The following FGD3 variants were observed in gnomAD, a reference collection of about 807,000 sequenced individuals.
FGD3 encodes FYVE, RhoGEF and PH domain containing 3.
Under a neutral mutation model 71.8 loss-of-function variants are expected in FGD3, and 45 were observed. That is an observed-to-expected ratio of 0.63 (90% CI 0.49 to 0.80). The LOEUF (loss-of-function observed/expected upper bound fraction) is 0.80. Ranked by LOEUF, FGD3 falls within the 30% of genes least tolerant of loss-of-function variation. The probability of loss-of-function intolerance (pLI) is 0.00; values close to 1 mark genes in which losing one functional copy is unlikely to be tolerated. For missense variants in FGD3, 844 were observed against 951.5 expected (o/e 0.89, Z 1.49); for synonymous variants, 378 against 392.8 (o/e 0.96, Z 0.44).
chr9:93,034,491 G>T (rs750033475), intron 16 of FGD3, 50 bp from the exon 17 acceptor site: 10 of 1,555,086 alleles, frequency 6.4e-6, no homozygotes, highest in Non-Finnish European at 8.7e-6. Context: ...CAGAACAGGG[G>T]TGACCACTGC....
rs754060606 is a variant in FGD3 at position 93,015,823 on chromosome 9, C to T, written c.1269C>T (p.Gly423=). 2 of 1,614,080 alleles carry T rather than the reference C, an allele frequency of 1.2e-6. No individual in the cohort carries two copies. The highest frequency in any genetic ancestry group is 2.2e-5 in the South Asian group (2 of 91,088). The part of the protein sequence containing the change: ...FSVREKMDIS[G]LQVQDIVKPN... ...TCCGGGAGAAGATGGACATCTCAGG[C>T]CTCCAGGTGGGTGAGCTCCTCCATC... The change falls in exon 10 of 18, where the codon GGC becomes GGT. Residue 423 remains glycine (G), a synonymous_variant. Transcript: ENST00000375482.
chr9:92,984,068 G>A (rs1326197776), intron 3 of FGD3, among the ~76,000 whole-genome samples: 1 of 152,222 alleles, frequency 6.6e-6, no homozygotes, highest in African/African-American at 2.4e-5. Flanking sequence ...CAGAAATGCA[G>A]ATAAGATTTG....
chr9:92,993,047 G>A (rs1860481312), intron 3 of FGD3, among the ~76,000 whole-genome samples: 1 of 152,166 alleles, frequency 6.6e-6, no homozygotes, highest in Non-Finnish European at 1.5e-5. Context: ...TCCACCGCCA[G>A]CCAAATCTTA....
chr9:93,006,283 A>T, intron 6 of FGD3, 103 bp downstream of exon 6: 5 of 1,203,328 alleles, frequency 4.2e-6, no homozygotes, highest in Non-Finnish European at 5.3e-6. Context: ...TTTTACTCCA[A>T]AAAGTAACAT....
At chr9:92,952,595 C>A (rs1858975413) in intron 1 of FGD3, among the ~76,000 whole-genome samples, 1 of 152,036 alleles carries the variant, frequency 6.6e-6, no homozygotes, top group Non-Finnish European at 1.5e-5. Context: ...ACCCTCCAAT[C>A]CTAAGGCCCT....
intron 15 of FGD3, among the ~76,000 whole-genome samples, chr9:93,030,330 G>T (rs111944840): frequency 6.6e-6 from 1 of 152,180 alleles, no homozygotes; most frequent in Non-Finnish European, 1.5e-5. Context: ...TATTGGAGAC[G>T]GGTGAAGGGT....
chr9:93,032,944 C>T (rs1244315429), intron 16 of FGD3, 71 bp downstream of exon 16: 1 of 1,363,482 alleles, frequency 7.3e-7, no homozygotes, highest in Admixed American at 1.7e-5. Flanking sequence ...TCCTGTGCCC[C>T]AGCAGCTCCA....
chr9:92,999,104 G>A (rs954103057), intron 3 of FGD3, among the ~76,000 whole-genome samples: 3 of 152,184 alleles, frequency 2.0e-5, no homozygotes, highest in Non-Finnish European at 4.4e-5. Flanking sequence ...GCTTCCTTGA[G>A]CTGTGGTGGG....
intron 1 of FGD3, among the ~76,000 whole-genome samples, chr9:92,953,295 G>C (rs1858989054): frequency 6.6e-6 from 1 of 152,094 alleles, no homozygotes; most frequent in African/African-American, 2.4e-5. Context: ...CTTTGTTAAG[G>C]ATAAGAAACA....
intron 9 of FGD3, among the ~76,000 whole-genome samples, chr9:93,014,436 C>A (rs376440505): frequency 6.6e-6 from 1 of 151,876 alleles, no homozygotes; most frequent in Non-Finnish European, 1.5e-5. Context: ...TGCCATGGCG[C>A]GGTAGAAACA....
intron 9 of FGD3, among the ~76,000 whole-genome samples, chr9:93,014,747 T>C (rs34654815): frequency 0.053 from 8,018 of 152,178 alleles, 322 homozygotes; most frequent in South Asian, 0.16. Flanking sequence ...GTTCAAGCAA[T>C]TGTCCTGCCT....
At position 93,035,484 on chromosome 9, in the gene FGD3, G is replaced by A. The variant is rs1862562830; in HGVS notation, c.2073G>A (p.Gln691=). ...TGAGCGCCTCCTCCGCAGAGCTGCA[G>A]CAGCAGTGGCTGGAAACCCTAAGCA... ...WYLSASSAEL[Q]QQWLETLSTA... The change falls in exon 18 of 18, where the codon CAG becomes CAA. Residue 691 remains glutamine (Q), a synonymous_variant. Coordinates refer to ENST00000375482, the MANE Select transcript of FGD3 (RefSeq NM_001083536.2). 1 of 1,613,440 alleles carries A rather than the reference G, an allele frequency of 6.2e-7. No homozygotes were observed. Among genetic ancestry groups the A allele is most frequent in the Non-Finnish European group, 8.5e-7 (1 of 1,180,014 alleles).
chr9:93,009,061 G>A (rs758408555), intron 6 of FGD3, among the ~76,000 whole-genome samples: 12 of 151,908 alleles, frequency 7.9e-5, no homozygotes, highest in Non-Finnish European at 1.5e-4. Context: ...TCAGGAGTTC[G>A]AGACCAGCCT....
chr9:92,974,815 C>T (rs1455400387), intron 1 of FGD3: 1 of 152,532 alleles, frequency 6.6e-6, no homozygotes, highest in Non-Finnish European at 1.5e-5. Context: ...GAGAGAGCCT[C>T]TCTGTATGTG....
At chr9:92,999,708 C>T (rs1260181082) in intron 3 of FGD3, among the ~76,000 whole-genome samples, 1 of 151,792 alleles carries the variant, frequency 6.6e-6, no homozygotes, top group Non-Finnish European at 1.5e-5. Context: ...ATTCTCCTGC[C>T]TCAGCCTCCT....
At chr9:93,031,061 A>ATGGG (rs1862338973) in intron 15 of FGD3, among the ~76,000 whole-genome samples, 1 of 151,172 alleles carries the variant, frequency 6.6e-6, no homozygotes, top group Admixed American at 6.6e-5. Context: ...TGGATAATGA[A>ATGGG]TGGGTGGATG....
intron 1 of FGD3, among the ~76,000 whole-genome samples, chr9:92,959,070 C>G (rs971394895): frequency 2.6e-5 from 4 of 152,140 alleles, no homozygotes; most frequent in African/African-American, 9.7e-5. Context: ...AGCAATTCTC[C>G]TGCCTTAGCC....
intron 1 of FGD3, among the ~76,000 whole-genome samples, chr9:92,972,418 A>G (rs1443510086): frequency 2.0e-5 from 3 of 148,890 alleles, no homozygotes. Context: ...TGGCCACTGA[A>G]CTCCAGTCTG....
chr9:92,989,067 T>C (rs368549426), intron 3 of FGD3, among the ~76,000 whole-genome samples: 1 of 152,194 alleles, frequency 6.6e-6, no homozygotes, highest in African/African-American at 2.4e-5. Context: ...TGTTTTGTTT[T>C]TGAGATGGAG....
Sources: gnomAD v4.1 joint callset for allele counts (sites outside exome capture counted in the v4.1 genomes callset) on GRCh38, gnomAD v4.1.1 for gene constraint, MANE v1.5 for transcripts, NCBI Gene and HGNC (gene_info 2026-07-23, HGNC 2026-07-21) for gene names.